VHL: variants seen among roughly 807,000 people sequenced by gnomAD.
VHL encodes the protein von Hippel-Lindau disease tumor suppressor.
Under a neutral mutation model 19.2 loss-of-function variants are expected in VHL, and 10 were observed. The ratio of observed to expected loss-of-function variants is 0.52; its 90% CI spans 0.32 to 0.89. VHL has a LOEUF of 0.89. VHL is among the 40% of genes least tolerant of loss of function. VHL has a pLI of 0.03. For synonymous variants in VHL, 167 were observed against 129.5 expected, an observed-to-expected ratio of 1.29 and a Z score of -1.97; for missense variants, 328 against 292.7, an observed-to-expected ratio of 1.12 and a Z score of -0.88.
intron 1 of VHL, among the ~76,000 whole-genome samples, chr3:10,145,472 G>A (rs1465566991): frequency 1.3e-5 from 2 of 152,100 alleles, no homozygotes; most frequent in South Asian, 2.1e-4. Flanking sequence ...TTGGGAGGCC[G>A]AGGCGGGCGG....
rs1064794129 is a variant in VHL, at chr3:10,142,046, A to C, written c.199A>C (p.Asn67His). 1 of 1,604,304 alleles carries C rather than the reference A, an allele frequency of 6.2e-7. No individual in the cohort carries two copies. The highest frequency in any genetic ancestry group is 1.7e-5 in the Admixed American group (1 of 59,178). ...GRPRPVLRSV[N>H]SREPSQVIFC... ...GCCGCGGCCCGTGCTGCGCTCGGTG[A>C]ACTCGCGCGAGCCCTCCCAGGTCAT... is the stretch of plus-strand genomic sequence containing the variant. The change falls in exon 1 of 3, where the codon AAC becomes CAC. Residue 67 changes from asparagine to histidine, a missense_variant. By Grantham distance (68) the Asn-to-His change is moderately conservative (BLOSUM62 1). Transcript: ENST00000256474.
In VHL at chr3:10,149,911, A is replaced by G. The variant is rs935543450; in HGVS notation, c.588A>G (p.Lys196=). The G allele has an allele frequency of 2.5e-6, 4 of 1,614,116 alleles. No individual in the cohort carries two copies. Among genetic ancestry groups the G allele is most frequent in the Non-Finnish European group, 3.4e-6 (4 of 1,180,050 alleles). ...TGGAAGACCACCCAAATGTGCAGAA[A>G]GACCTGGAGCGGCTGACACAGGAGC... The part of the protein sequence containing the change: ...EDLEDHPNVQ[K]DLERLTQERI... The change falls in exon 3 of 3, where the codon AAA becomes AAG. Residue 196 remains lysine (K), a synonymous_variant. Transcript: ENST00000256474.
At position 10,152,435 on chromosome 3, in the gene VHL, A is replaced by C. The variant is rs1696433826; in HGVS notation, c.*2470A>C. 2.0e-5 allele frequency among the ~76,000 whole-genome samples: 3 copies of C among 150,178 alleles called. No individual in the cohort carries two copies. In the South Asian group the frequency reaches 6.3e-4, roughly 32 times the overall value. On this transcript the variant is annotated 3_prime_UTR_variant, in exon 3 of 3. Coordinates refer to ENST00000256474, the MANE Select transcript of VHL (RefSeq NM_000551.4). ...ACACTCCAGTTTTCCTTCTACTCCG[A>C]ATTTCAACTGATTTTAGCTCCTCCT...
intron 2 of VHL, among the ~76,000 whole-genome samples, chr3:10,146,915 G>T (rs578147586): frequency 1.3e-5 from 2 of 152,188 alleles, no homozygotes; most frequent in African/African-American, 2.4e-5. Flanking sequence ...GTAGAATTAC[G>T]AATGCCTTTT....
chr3:10,148,948 C>G (rs1696333444), intron 2 of VHL, among the ~76,000 whole-genome samples: 1 of 151,936 alleles, frequency 6.6e-6, no homozygotes, highest in Admixed American at 6.6e-5. Context: ...GCTAGGATTA[C>G]AGGCGTGAGC....
rs1358305903 is a variant in VHL at position 10,151,875 on chromosome 3, G to T, written c.*1910G>T. ...AGCCCAGAACTTCAAGATGAGCCTG[G>T]GCTCATAGTGAGAACCCATCTATAC... On this transcript the variant is annotated 3_prime_UTR_variant, in exon 3 of 3. Coordinates refer to ENST00000256474, the MANE Select transcript of VHL (RefSeq NM_000551.4). 1.1e-5 allele frequency: 2 copies of T among 188,868 alleles called. No individual in the cohort carries two copies. The highest frequency in any genetic ancestry group is 4.7e-5 in the African/African-American group (2 of 42,746). 11.7% of individuals were successfully genotyped at this position (188,868 alleles called of 1,614,324 possible).
intron 1 of VHL, among the ~76,000 whole-genome samples, chr3:10,144,302 A>G (rs922794185): frequency 1.4e-4 from 7 of 50,538 alleles, no homozygotes; most frequent in Admixed American, 1.1e-3. Flanking sequence ...CCCTGTCTGT[A>G]TTTAAAAAAA....
At chr3:10,143,715 G>A (rs1407528022) in intron 1 of VHL, among the ~76,000 whole-genome samples, 1 of 152,172 alleles carries the variant, frequency 6.6e-6, no homozygotes, top group Non-Finnish European at 1.5e-5. Flanking sequence ...CCAAAGTGCT[G>A]GGATTACAGG....
chr3:10,151,625 T>C lies in VHL; in HGVS notation c.*1660T>C. The C allele has an allele frequency of 4.5e-6, 1 of 220,442 alleles. No individual in the cohort carries two copies. The highest frequency in any genetic ancestry group is 9.1e-6 in the Non-Finnish European group (1 of 110,012). 13.7% of individuals were successfully genotyped at this position (220,442 alleles called of 1,614,324 possible). The stretch of plus-strand genomic sequence containing the variant: ...GTTTTATACCCTTTTTCATTTAACT[T>C]TATAACTTAAATATTGCTCTATGTT... On this transcript the variant is annotated 3_prime_UTR_variant, in exon 3 of 3. Transcript: ENST00000256474.
chr3:10,143,709 A>C (rs544385452), intron 1 of VHL, among the ~76,000 whole-genome samples: 185 of 152,176 alleles, frequency 1.2e-3, no homozygotes, highest in Non-Finnish European at 2.0e-3. Flanking sequence ...GGCCTCCCAA[A>C]GTGCTGGGAT....
rs186084634 is a variant in VHL at position 10,150,954 on chromosome 3, C to T, written c.*989C>T. On this transcript the variant is annotated 3_prime_UTR_variant, in exon 3 of 3. Coordinates refer to ENST00000256474, the MANE Select transcript of VHL (RefSeq NM_000551.4). ...TGTCACCCAGGCTGGAGTGCAGTGG[C>T]GCCATCTCGGCTCACTGCAACCTCT... 2.6e-4 allele frequency: 53 copies of T among 202,216 alleles called. No homozygotes were observed. Among genetic ancestry groups the T allele is most frequent in the East Asian group, 2.0e-3 (27 of 13,198 alleles). 12.5% of individuals were successfully genotyped at this position (202,216 alleles called of 1,614,324 possible).
At position 10,150,890 on chromosome 3, in the gene VHL, T is replaced by TG. The variant is rs1396569122; in HGVS notation, c.*925_*926insG. ...ATTTGGGTTTTTTTGTTGTTGTTGTTTTGTTTTGTTTTGTTTTTTTGAGAT... is the reference window on the plus strand; with the variant it reads ...ATTTGGGTTTTTTTGTTGTTGTTGTTGTTGTTTTGTTTTGTTTTTTTGAGAT... On this transcript the variant is annotated 3_prime_UTR_variant, in exon 3 of 3. Coordinates refer to ENST00000256474, the MANE Select transcript of VHL (RefSeq NM_000551.4). The TG allele has an allele frequency of 9.1e-6, 2 of 219,036 alleles. No homozygotes were observed. The highest frequency in any genetic ancestry group is 2.2e-5 in the African/African-American group (1 of 44,534). 13.6% of individuals were successfully genotyped at this position (219,036 alleles called of 1,614,324 possible). A position where few individuals can be genotyped will look rare whatever the true frequency, so the allele number is the denominator to read the frequency against.
Position 10,146,568 on chromosome 3 carries a change from A to G in VHL, c.395A>G (p.Gln132Arg), listed in dbSNP as rs1347416980. ...ACACACGATGGGCTTCTGGTTAACCAAACTGAATTATTTGTGCCATCTCTC... is the reference window on the plus strand; with the variant it reads ...ACACACGATGGGCTTCTGGTTAACCGAACTGAATTATTTGTGCCATCTCTC... ...AGTHDGLLVN[Q>R]TELFVPSLNV... The change falls in exon 2 of 3, where the codon CAA becomes CGA. Residue 132 changes from glutamine (Q) to arginine (R), a missense_variant. Transcript: ENST00000256474. The G allele has an allele frequency of 6.2e-7, 1 of 1,614,044 alleles. No homozygotes were observed. Among genetic ancestry groups the G allele is most frequent in the South Asian group, 1.1e-5 (1 of 91,086 alleles).
At position 10,149,994 on chromosome 3, in the gene VHL, A is replaced by G; in HGVS notation, c.*29A>G. 1 of 1,603,756 alleles carries G rather than the reference A, an allele frequency of 6.2e-7. No homozygotes were observed. Among genetic ancestry groups the G allele is most frequent in the Non-Finnish European group, 8.5e-7 (1 of 1,174,990 alleles). On this transcript the variant is annotated 3_prime_UTR_variant, in exon 3 of 3. Coordinates refer to ENST00000256474, the MANE Select transcript of VHL (RefSeq NM_000551.4). ...TTTCTGTTGAAACTTACACTGTTTC[A>G]TCTCAGCTTTTGATGGTACTGATGA...
In VHL at chr3:10,153,284, A is replaced by T. The variant is rs557157382; in HGVS notation, c.*3319A>T. Among the ~76,000 whole-genome samples the T allele has an allele frequency of 2.4e-4, 37 of 152,068 alleles. No homozygotes were observed. The highest frequency in any genetic ancestry group is 8.4e-4 in the African/African-American group (35 of 41,482). On this transcript the variant is annotated 3_prime_UTR_variant, in exon 3 of 3. Transcript: ENST00000256474. ...CAGAGTGAGACACCGTCTCAAAAAA[A>T]AAAACAAAAAACAAAAATTATCCAG... is the stretch of plus-strand genomic sequence containing the variant.
rs750952266 is a variant in VHL at position 10,149,993 on chromosome 3, C to A, written c.*28C>A. On this transcript the variant is annotated 3_prime_UTR_variant, in exon 3 of 3. Coordinates refer to ENST00000256474, the MANE Select transcript of VHL (RefSeq NM_000551.4). ...ATTTCTGTTGAAACTTACACTGTTT[C>A]ATCTCAGCTTTTGATGGTACTGATG... is the stretch of plus-strand genomic sequence containing the variant. The A allele has an allele frequency of 3.1e-6, 5 of 1,604,086 alleles. No homozygotes were observed. In the African/African-American group the frequency reaches 6.7e-5, roughly 21 times the overall value.
In VHL at chr3:10,153,209, C is replaced by T. The variant is rs1286502062; in HGVS notation, c.*3244C>T. Among the ~76,000 whole-genome samples the T allele has an allele frequency of 4.6e-5, 7 of 151,802 alleles. No homozygotes were observed. The highest frequency in any genetic ancestry group is 2.0e-4 in the Admixed American group (3 of 15,218). ...AGGAGAATGGCATGAACCTGGAAGGCGGAGCTTGCAGTGAGCTGAGATGGT... is the reference window on the plus strand; with the variant it reads ...AGGAGAATGGCATGAACCTGGAAGGTGGAGCTTGCAGTGAGCTGAGATGGT... On this transcript the variant is annotated 3_prime_UTR_variant, in exon 3 of 3. Coordinates refer to ENST00000256474, the MANE Select transcript of VHL (RefSeq NM_000551.4).
At chr3:10,146,442 G>T (rs561953435) in intron 1 of VHL, 72 bp from the exon 2 acceptor site, 1 of 1,602,066 alleles carries the variant, frequency 6.2e-7, no homozygotes, top group African/African-American at 1.3e-5. Flanking sequence ...CCAAAGTGCT[G>T]GGATTACAGG....
In VHL at chr3:10,142,194, G is replaced by A. The variant is rs869025635; in HGVS notation, c.340+7G>A. 6.3e-7 allele frequency: 1 copy of A among 1,596,778 alleles called. No individual in the cohort carries two copies. The highest frequency in any genetic ancestry group is 8.5e-7 in the Non-Finnish European group (1 of 1,179,000). ...CGCATCCACAGCTACCGAGGTACGG[G>A]CCCGGCGCTTAGGCCCGACCCAGCA... On this transcript the variant is annotated splice_region_variant and intron_variant, in intron 1 of 2. Coordinates refer to ENST00000256474, the MANE Select transcript of VHL (RefSeq NM_000551.4).
Sources: allele counts gnomAD v4.1 joint callset (sites outside exome capture counted in the v4.1 genomes callset), GRCh38; gene constraint gnomAD v4.1.1; transcripts MANE v1.5; gene names NCBI Gene and HGNC (gene_info 2026-07-23, HGNC 2026-07-21).